Variants in CFTR observed in about 807,000 individuals in gnomAD.
CFTR encodes cystic fibrosis transmembrane conductance regulator.
In CFTR, 181 loss-of-function variants were observed where a neutral mutation model predicts 171.6. The observed-to-expected ratio is 1.05, with a 90% CI of 0.93 to 1.19. CFTR has a LOEUF of 1.19. CFTR is among the 50% of genes most tolerant of loss of function. The pLI is 0.00. For missense variants in CFTR, 1,968 were observed against 1,734.7 expected (o/e 1.13, Z -2.39); for synonymous variants, 583 against 608.0 (o/e 0.96, Z 0.60).
chr7:117,520,862 C>T (rs1334373928), intron 3 of CFTR, among the ~76,000 whole-genome samples: 1 of 151,804 alleles, frequency 6.6e-6, no homozygotes, highest in East Asian at 1.9e-4. Flanking sequence ...GACTGACAGT[C>T]CCTACTCTTA....
chr7:117,558,112 A>G (rs1799390980), intron 10 of CFTR, among the ~76,000 whole-genome samples: 1 of 151,484 alleles, frequency 6.6e-6, no homozygotes, highest in South Asian at 2.1e-4. Context: ...CTGTCTTATT[A>G]TGTTTTGTTT....
At chr7:117,631,293 G>A (rs1792740224) in intron 22 of CFTR, among the ~76,000 whole-genome samples, 1 of 152,086 alleles carries the variant, frequency 6.6e-6, no homozygotes, top group African/African-American at 2.4e-5. Context: ...TTTGTTATAT[G>A]TTTCCCCCCC....
intron 11 of CFTR, among the ~76,000 whole-genome samples, chr7:117,579,737 A>G (rs1054747399): frequency 1.3e-5 from 2 of 151,286 alleles, no homozygotes; most frequent in African/African-American, 4.8e-5. Flanking sequence ...AAAAAAATGG[A>G]TCAGAGGAAC....
intron 17 of CFTR, among the ~76,000 whole-genome samples, chr7:117,605,667 A>C (rs1217727183): frequency 6.6e-6 from 1 of 152,114 alleles, no homozygotes; most frequent in Non-Finnish European, 1.5e-5. Context: ...GATTTTGACA[A>C]TGAGAGCTGA....
intron 11 of CFTR, among the ~76,000 whole-genome samples, chr7:117,583,315 C>T (rs1198340036): frequency 7.2e-6 from 1 of 138,608 alleles, no homozygotes; most frequent in Non-Finnish European, 1.5e-5. Flanking sequence ...AGTCTTTTAT[C>T]CCCCCCCCGC....
At chr7:117,522,389 G>A (rs867519083) in intron 3 of CFTR, among the ~76,000 whole-genome samples, 13 of 152,230 alleles carry the variant, frequency 8.5e-5, no homozygotes, top group Admixed American at 5.9e-4. Context: ...TCCAGAGCGC[G>A]GAAGAGACTA....
At chr7:117,572,059 T>C (rs1312349896) in intron 11 of CFTR, among the ~76,000 whole-genome samples, 1 of 152,180 alleles carries the variant, frequency 6.6e-6, no homozygotes, top group Non-Finnish European at 1.5e-5. Flanking sequence ...TGGAGTGCAG[T>C]GGCATGATCT....
intron 24 of CFTR, 30 bp downstream of exon 24, chr7:117,652,961 AG>A: frequency 7.6e-7 from 1 of 1,313,428 alleles, no homozygotes; most frequent in Non-Finnish European, 1.1e-6. Flanking sequence ...TGATTTTGAA[AG>A]GGGTAACTCA....
At chr7:117,651,462 C>A (rs1793088553) in intron 23 of CFTR, among the ~76,000 whole-genome samples, 1 of 152,096 alleles carries the variant, frequency 6.6e-6, no homozygotes, top group Admixed American at 6.6e-5. Flanking sequence ...TGACCTTTGT[C>A]TACTCTCTTC....
rs1792874771 is a variant in CFTR, at chr7:117,639,140, A to C, written c.3718-3298A>C. Among the ~76,000 whole-genome samples, 3 of 152,222 alleles carry C rather than the reference A, an allele frequency of 2.0e-5. No individual in the cohort carries two copies. In the South Asian group the frequency reaches 6.2e-4, roughly 31 times the overall value. ...AGAAAAATTATTCAGTCTTCATGTGAAAACACTTTGTCCATAGCAATTACT... is the reference window on the plus strand; with the variant it reads ...AGAAAAATTATTCAGTCTTCATGTGCAAACACTTTGTCCATAGCAATTACT... On this transcript the variant is annotated intron_variant, in intron 22 of 26. Coordinates refer to ENST00000003084, the MANE Select transcript of CFTR (RefSeq NM_000492.4).
rs747324955 is a variant in CFTR, at chr7:117,664,751, G to A, written c.4027G>A (p.Gly1343Ser). Reference protein sequence around the residue: ...GKLDFVLVDGGCVLSHGHKQL... With the variant: ...GKLDFVLVDGSCVLSHGHKQL... The stretch of plus-strand genomic sequence containing the variant: ...GCTTGACTTTGTCCTTGTGGATGGG[G>A]GCTGTGTCCTAAGCCATGGCCACAA... Residue 1343 changes from glycine (G) to serine (S), a missense_variant, in exon 25 of 27, where the codon GGC becomes AGC. By Grantham distance (56) the Gly-to-Ser change is moderately conservative. Transcript: ENST00000003084. The A allele has an allele frequency of 1.1e-4, 185 of 1,613,904 alleles. No individual in the cohort carries two copies. The highest frequency in any genetic ancestry group is 1.5e-4 in the Non-Finnish European group (180 of 1,179,938).
At chr7:117,601,469 A>G (rs887202218) in intron 15 of CFTR, among the ~76,000 whole-genome samples, 11 of 152,150 alleles carry the variant, frequency 7.2e-5, no homozygotes, top group African/African-American at 2.7e-4. Flanking sequence ...TCATTATAGT[A>G]CTTCCTAATG....
At position 117,587,832 on chromosome 7, in the gene CFTR, A is replaced by C; in HGVS notation, c.1678A>C (p.Arg560=). 1 of 1,564,298 alleles carries C rather than the reference A, an allele frequency of 6.4e-7. No individual in the cohort carries two copies. Among genetic ancestry groups the C allele is most frequent in the Non-Finnish European group, 8.8e-7 (1 of 1,134,900 alleles). The stretch of plus-strand genomic sequence containing the variant: ...TCAACGAGCAAGAATTTCTTTAGCA[A>C]GGTGAATAACTAATTATTGGTCTAG... ...GGQRARISLA[R]AVYKDADLYL... is the part of the protein sequence containing the mutation. The change falls in exon 12 of 27, where the codon AGA becomes CGA. Residue 560 remains arginine (R), a splice_region_variant and synonymous_variant. Coordinates refer to ENST00000003084, the MANE Select transcript of CFTR (RefSeq NM_000492.4).
chr7:117,629,081 T>A (rs1478132739), intron 22 of CFTR, among the ~76,000 whole-genome samples: 2 of 152,154 alleles, frequency 1.3e-5, no homozygotes, highest in African/African-American at 4.8e-5. Context: ...TCCTCATTAG[T>A]ATAGGAAGTT....
intron 21 of CFTR, among the ~76,000 whole-genome samples, chr7:117,620,843 A>C (rs1324500602): frequency 1.3e-5 from 2 of 152,186 alleles, no homozygotes; most frequent in Admixed American, 6.5e-5. Context: ...GCGGTGGCTC[A>C]TGCCTGTAAT....
At chr7:117,488,117 T>C (rs979809472) in intron 1 of CFTR, among the ~76,000 whole-genome samples, 2 of 152,128 alleles carry the variant, frequency 1.3e-5, no homozygotes, top group African/African-American at 2.4e-5. Context: ...AAGGGCTAGA[T>C]AGTAAATATT....
intron 11 of CFTR, among the ~76,000 whole-genome samples, chr7:117,560,474 A>G (rs1273098411): frequency 6.6e-6 from 1 of 152,126 alleles, no homozygotes; most frequent in Non-Finnish European, 1.5e-5. Flanking sequence ...CAATTCCTTT[A>G]TATAATCTTT....
At chr7:117,635,080 C>T (rs1379792046) in intron 22 of CFTR, among the ~76,000 whole-genome samples, 1 of 152,098 alleles carries the variant, frequency 6.6e-6, no homozygotes, top group Non-Finnish European at 1.5e-5. Flanking sequence ...AGTGAATATT[C>T]TATTTCTTGT....
At chr7:117,625,735 AC>A (rs1002267915) in intron 21 of CFTR, among the ~76,000 whole-genome samples, 2 of 152,172 alleles carry the variant, frequency 1.3e-5, no homozygotes, top group Non-Finnish European at 2.9e-5. Context: ...CAGGATAAAT[AC>A]AATAAGATAT....
Sources: allele counts gnomAD v4.1 joint callset (sites outside exome capture counted in the v4.1 genomes callset), GRCh38; gene constraint gnomAD v4.1.1; transcripts MANE v1.5; gene names NCBI Gene and HGNC (gene_info 2026-07-23, HGNC 2026-07-21).